Variants in JARID2 observed in about 807,000 individuals in gnomAD.
JARID2 encodes jumonji and AT-rich interaction domain containing 2.
A neutral mutation model predicts 125.6 loss-of-function variants in JARID2; 21 were observed. That is an observed-to-expected ratio of 0.17 (90% CI 0.12 to 0.24). JARID2 has a LOEUF of 0.24. Ranked by LOEUF, JARID2 falls within the 10% of genes least tolerant of loss-of-function variation. The pLI, the probability that JARID2 is intolerant of heterozygous loss-of-function variation, is 1.00. For missense variants in JARID2, 1,303 were observed against 1,639.6 expected (o/e 0.79, Z 3.55); for synonymous variants, 736 against 661.6 (o/e 1.11, Z -1.73).
chr6:15,298,693 A>C (rs1170474160), intron 1 of JARID2, among the ~76,000 whole-genome samples: 3 of 151,744 alleles, frequency 2.0e-5, no homozygotes, highest in African/African-American at 7.3e-5. Flanking sequence ...AAAAAAAAAA[A>C]AGAAAAAATT....
At chr6:15,426,557 C>T (rs1339908773) in intron 3 of JARID2, among the ~76,000 whole-genome samples, 1 of 152,118 alleles carries the variant, frequency 6.6e-6, no homozygotes, top group African/African-American at 2.4e-5. Context: ...GTGTTGGCTC[C>T]CAAATCAGTC....
At chr6:15,492,881 G>C (rs532046415) in intron 6 of JARID2, among the ~76,000 whole-genome samples, 1 of 152,082 alleles carries the variant, frequency 6.6e-6, no homozygotes, top group Non-Finnish European at 1.5e-5. Context: ...GTGATATCTG[G>C]GTGGATACTG....
chr6:15,366,833 A>C (rs1763997325), intron 1 of JARID2, among the ~76,000 whole-genome samples: 1 of 151,938 alleles, frequency 6.6e-6, no homozygotes, highest in Non-Finnish European at 1.5e-5. Flanking sequence ...TGTTATTTAA[A>C]ACATTGGTGG....
intron 3 of JARID2, among the ~76,000 whole-genome samples, chr6:15,428,885 G>T (rs1766842592): frequency 7.0e-6 from 1 of 142,680 alleles, no homozygotes; most frequent in African/African-American, 2.6e-5. Flanking sequence ...CAACCTGGGG[G>T]ACACAGCGAG....
At chr6:15,480,434 A>G (rs770366092) in intron 5 of JARID2, among the ~76,000 whole-genome samples, 1 of 152,162 alleles carries the variant, frequency 6.6e-6, no homozygotes, top group Non-Finnish European at 1.5e-5. Context: ...TGTTTCATAC[A>G]CATCTAATAA....
intron 2 of JARID2, among the ~76,000 whole-genome samples, chr6:15,400,564 C>A (rs932570865): frequency 2.0e-5 from 3 of 151,946 alleles, no homozygotes; most frequent in African/African-American, 7.3e-5. Flanking sequence ...ATGTCCCCCT[C>A]CCCCCATATG....
chr6:15,507,547 A>G (rs909368359), intron 11 of JARID2, 131 bp downstream of exon 11: 8 of 680,748 alleles, frequency 1.2e-5, no homozygotes, highest in Non-Finnish European at 2.0e-5. Flanking sequence ...CAGGACATAC[A>G]GTGAAAATTG....
intron 3 of JARID2, among the ~76,000 whole-genome samples, chr6:15,427,238 A>T (rs936318208): frequency 6.6e-6 from 1 of 152,198 alleles, no homozygotes. Flanking sequence ...GATGGAAGGA[A>T]TCGCAAAGCC....
chr6:15,267,369 A>G (rs1483395946), intron 1 of JARID2, among the ~76,000 whole-genome samples: 3 of 152,220 alleles, frequency 2.0e-5, no homozygotes, highest in Admixed American at 2.0e-4. Context: ...AGCAAAAGGC[A>G]TGTCAGCAAC....
rs1045408986 is a variant in JARID2, at chr6:15,471,446, GTCT to G, written c.670+2732_670+2734del. Among the ~76,000 whole-genome samples the G allele has an allele frequency of 5.3e-5, 8 of 152,278 alleles. No homozygotes were observed. The East Asian group carries it at 1.5e-3, about 29-fold the overall frequency. On this transcript the variant is annotated intron_variant, in intron 5 of 17. Coordinates refer to ENST00000341776, the MANE Select transcript of JARID2 (RefSeq NM_004973.4). Reference sequence around the variant, plus strand: ...AAACATGGAATTACCCTCATCTGTTGTCTTCTGCATGGCTGTATGATAGAAATC... The same window carrying G: ...AAACATGGAATTACCCTCATCTGTTGTCTGCATGGCTGTATGATAGAAATC...
intron 1 of JARID2, among the ~76,000 whole-genome samples, chr6:15,275,533 G>GCC (rs61037434): frequency 0.04 from 738 of 18,628 alleles, 41 homozygotes; most frequent in South Asian, 0.065. Context: ...CGCCCCCCCC[G>GCC]CCCCCCCCCC....
chr6:15,431,867 A>G (rs1297677402), intron 3 of JARID2, among the ~76,000 whole-genome samples: 2 of 152,186 alleles, frequency 1.3e-5, no homozygotes, highest in African/African-American at 4.8e-5. Context: ...AAGCCAAGTC[A>G]CTAAAGGTAT....
intron 1 of JARID2, among the ~76,000 whole-genome samples, chr6:15,290,599 G>A (rs1235310057): frequency 6.6e-6 from 1 of 152,106 alleles, no homozygotes; most frequent in Non-Finnish European, 1.5e-5. Flanking sequence ...ATGTGATGAA[G>A]GGTTGCTGAA....
intron 1 of JARID2, among the ~76,000 whole-genome samples, chr6:15,289,718 T>C (rs1051884289): frequency 2.6e-5 from 4 of 152,148 alleles, no homozygotes; most frequent in Non-Finnish European, 4.4e-5. Flanking sequence ...TGGTGGTGTA[T>C]TCCTGTAATC....
At chr6:15,424,746 C>CT (rs1332327515) in intron 3 of JARID2, among the ~76,000 whole-genome samples, 2 of 152,190 alleles carry the variant, frequency 1.3e-5, no homozygotes, top group Non-Finnish European at 2.9e-5. Context: ...GTAATCCCAG[C>CT]TACTCAGGAG....
chr6:15,274,184 C>A lies in JARID2; in HGVS notation c.45+27600C>A, dbSNP rs9349976. On this transcript the variant is annotated intron_variant, in intron 1 of 17. Transcript: ENST00000341776. Reference sequence around the variant, plus strand: ...ACCTCAGGTGATCCTCCTGCCTTGGCCTCCCAAAGTGCTGGGATTACAGGT... The same window carrying A: ...ACCTCAGGTGATCCTCCTGCCTTGGACTCCCAAAGTGCTGGGATTACAGGT... Among the ~76,000 whole-genome samples the A allele has an allele frequency of 8.4e-3, 1,281 of 152,296 alleles. 44 individuals are homozygous for A. Among genetic ancestry groups the A allele is most frequent in the Admixed American group, 0.058 (881 of 15,296 alleles).
chr6:15,519,612 T>C (rs1288535658), intron 17 of JARID2, among the ~76,000 whole-genome samples: 1 of 152,212 alleles, frequency 6.6e-6, no homozygotes, highest in Non-Finnish European at 1.5e-5. Context: ...AATGATTCTC[T>C]TGAGTGAATT....
intron 1 of JARID2, among the ~76,000 whole-genome samples, chr6:15,306,977 C>T (rs760356752): frequency 2.7e-4 from 40 of 149,860 alleles, no homozygotes; most frequent in Non-Finnish European, 4.7e-4. Context: ...CGTGGTGGCT[C>T]ATGCCTGTAA....
chr6:15,394,269 C>T (rs1360652855), intron 2 of JARID2, among the ~76,000 whole-genome samples: 4 of 152,070 alleles, frequency 2.6e-5, no homozygotes, highest in African/African-American at 7.2e-5. Flanking sequence ...GGCCTTGAGA[C>T]ACAGCTTACT....
Sources: gnomAD v4.1 joint callset for allele counts (sites outside exome capture counted in the v4.1 genomes callset) on GRCh38, gnomAD v4.1.1 for gene constraint, MANE v1.5 for transcripts, NCBI Gene and HGNC (gene_info 2026-07-23, HGNC 2026-07-21) for gene names.